CACYBP: variants seen among roughly 807,000 people sequenced by gnomAD.
CACYBP encodes calcyclin binding protein.
In CACYBP, 11 loss-of-function variants were observed where a neutral mutation model predicts 29.6. That is an observed-to-expected ratio of 0.37 (90% CI 0.23 to 0.61). The LOEUF (loss-of-function observed/expected upper bound fraction) is 0.61. Ranked by LOEUF, CACYBP falls within the 20% of genes least tolerant of loss-of-function variation. The probability of loss-of-function intolerance (pLI) is 0.65; values close to 1 mark genes in which losing one functional copy is unlikely to be tolerated. For missense variants in CACYBP, 163 were observed against 260.7 expected (o/e 0.63, Z 2.58); for synonymous variants, 73 against 88.3 (o/e 0.83, Z 0.97).
chr1:175,000,029 C>G lies in CACYBP; in HGVS notation c.-152C>G, dbSNP rs931787746. The stretch of plus-strand genomic sequence containing the variant: ...GATCCGTCGCGTGCGGGAGGCGGGC[C>G]GCGATCTTGCGCAGGGTCGGTGTGG... On this transcript the variant is annotated 5_prime_UTR_variant, in exon 1 of 6. Coordinates refer to ENST00000367679, the MANE Select transcript of CACYBP (RefSeq NM_014412.3). 2 of 1,123,670 alleles carry G rather than the reference C, an allele frequency of 1.8e-6. No homozygotes were observed. Among genetic ancestry groups the G allele is most frequent in the Non-Finnish European group, 2.6e-6 (2 of 772,934 alleles). The allele number at this position is 1,123,670 out of a possible 1,614,324, so 69.6% of individuals were successfully genotyped here.
In CACYBP at chr1:175,011,639, A is replaced by C. The variant is rs1181195066; in HGVS notation, c.*1560A>C. 6.6e-6 allele frequency: 1 copy of C among 152,246 alleles called. No individual in the cohort carries two copies. Among genetic ancestry groups the C allele is most frequent in the African/African-American group, 2.4e-5 (1 of 41,470 alleles). The allele number at this position is 152,246 out of a possible 1,614,324, so 9.4% of individuals were successfully genotyped here. A position where few individuals can be genotyped will look rare whatever the true frequency, so the allele number is the denominator to read the frequency against. On this transcript the variant is annotated 3_prime_UTR_variant, in exon 6 of 6. Coordinates refer to ENST00000367679, the MANE Select transcript of CACYBP (RefSeq NM_014412.3). Reference sequence around the variant, plus strand: ...TTAAGAATACTTCATACAAAAAGAAATGTAAATGACCTTTAACATGTAAAG... The same window carrying C: ...TTAAGAATACTTCATACAAAAAGAACTGTAAATGACCTTTAACATGTAAAG...
chr1:175,011,378 A>G lies in CACYBP; in HGVS notation c.*1299A>G, dbSNP rs993732299. On this transcript the variant is annotated 3_prime_UTR_variant, in exon 6 of 6. Coordinates refer to ENST00000367679, the MANE Select transcript of CACYBP (RefSeq NM_014412.3). ...GTAAAGATGGGTTTTTAATGATACT[A>G]AGATAACTGAAAATAGGCATATAGA... The G allele has an allele frequency of 1.3e-5, 2 of 151,952 alleles. No individual in the cohort carries two copies. The highest frequency in any genetic ancestry group is 2.9e-5 in the Non-Finnish European group (2 of 67,986). The allele number at this position is 151,952 out of a possible 1,614,324, so 9.4% of individuals were successfully genotyped here.
intron 1 of CACYBP, among the ~76,000 whole-genome samples, chr1:175,003,546 C>A (rs1241757630): frequency 6.6e-6 from 1 of 152,166 alleles, no homozygotes. Flanking sequence ...TTTTATAAGA[C>A]TATTAAGAAA....
At position 175,000,051 on chromosome 1, in the gene CACYBP, G is replaced by T; in HGVS notation, c.-130G>T. Reference sequence around the variant, plus strand: ...GGCCGCGATCTTGCGCAGGGTCGGTGTGGGCGCAGGCTGCAGCGCCGCGAC... The same window carrying T: ...GGCCGCGATCTTGCGCAGGGTCGGTTTGGGCGCAGGCTGCAGCGCCGCGAC... On this transcript the variant is annotated 5_prime_UTR_variant, in exon 1 of 6. Coordinates refer to ENST00000367679, the MANE Select transcript of CACYBP (RefSeq NM_014412.3). 3.0e-6 allele frequency: 4 copies of T among 1,327,396 alleles called. No homozygotes were observed. Among genetic ancestry groups the T allele is most frequent in the Non-Finnish European group, 3.2e-6 (3 of 947,684 alleles). 82.2% of individuals were successfully genotyped at this position (1,327,396 alleles called of 1,614,324 possible).
chr1:174,999,567 T>G (rs1324385566), upstream of CACYBP: 2 of 159,824 alleles, frequency 1.3e-5, no homozygotes, highest in Non-Finnish European at 2.7e-5. Flanking sequence ...ATTTTTCGCC[T>G]TCTTCTCGCG....
chr1:175,004,592 C>T (rs201966919), intron 1 of CACYBP, 22 bp from the exon 2 acceptor site: 7 of 1,473,324 alleles, frequency 4.8e-6, no homozygotes, highest in Non-Finnish European at 6.5e-6. Flanking sequence ...TCATAGCTAA[C>T]TTATTTTTTG....
At position 175,010,209 on chromosome 1, in the gene CACYBP, T is replaced by C. The variant is rs1267297956; in HGVS notation, c.*130T>C. 1.5e-6 allele frequency: 1 copy of C among 677,782 alleles called. No individual in the cohort carries two copies. The highest frequency in any genetic ancestry group is 2.5e-6 in the Non-Finnish European group (1 of 401,262). The allele number at this position is 677,782 out of a possible 1,614,324, so 42.0% of individuals were successfully genotyped here. A position where few individuals can be genotyped will look rare whatever the true frequency, so the allele number is the denominator to read the frequency against. On this transcript the variant is annotated 3_prime_UTR_variant, in exon 6 of 6. Coordinates refer to ENST00000367679, the MANE Select transcript of CACYBP (RefSeq NM_014412.3). ...TACATAGCCTTCTAAGTAAAGGCAA[T>C]GAATTCTCCATTTCCTACTGGAGGA...
At position 175,010,426 on chromosome 1, in the gene CACYBP, T is replaced by TTTAAG; in HGVS notation, c.*351_*355dup. The TTTAAG allele has an allele frequency of 6.2e-6, 1 of 160,666 alleles. No individual in the cohort carries two copies. Among genetic ancestry groups the TTTAAG allele is most frequent in the Non-Finnish European group, 1.4e-5 (1 of 73,686 alleles). 10.0% of individuals were successfully genotyped at this position (160,666 alleles called of 1,614,324 possible). On this transcript the variant is annotated 3_prime_UTR_variant, in exon 6 of 6. Transcript: ENST00000367679. Reference sequence around the variant, plus strand: ...GAATTGGAAAAGTATTTGCTTGCCTTTTAAGTTACTGACATCAGCTTCCAC... The same window carrying TTTAAG: ...GAATTGGAAAAGTATTTGCTTGCCTTTTAAGTTAAGTTACTGACATCAGCTTCCAC...
intron 2 of CACYBP, among the ~76,000 whole-genome samples, chr1:175,006,063 G>A (rs1206991317): frequency 6.6e-6 from 1 of 152,140 alleles, no homozygotes; most frequent in Non-Finnish European, 1.5e-5. Context: ...ATAAACAGAA[G>A]ATGCTTTTTT....
At position 175,011,907 on chromosome 1, in the gene CACYBP, C is replaced by G. The variant is rs111600067; in HGVS notation, c.*1828C>G. The stretch of plus-strand genomic sequence containing the variant: ...TCACTTGAGGTCAGGAGTTCAAGAC[C>G]ATCTGGCCAACATGGTGAAACCCTG... On this transcript the variant is annotated 3_prime_UTR_variant, in exon 6 of 6. Coordinates refer to ENST00000367679, the MANE Select transcript of CACYBP (RefSeq NM_014412.3). Among the ~76,000 whole-genome samples the G allele has an allele frequency of 7.2e-4, 110 of 152,268 alleles. 1 individual carries two copies. Among genetic ancestry groups the G allele is most frequent in the African/African-American group, 2.5e-3 (105 of 41,554 alleles).
At position 175,004,749 on chromosome 1, in the gene CACYBP, A is replaced by G. The variant is rs768709873; in HGVS notation, c.151A>G (p.Lys51Glu). Residue 51 changes from lysine to glutamate, a missense_variant, in exon 2 of 6, where the codon AAA (lysine) becomes GAA (glutamate). Transcript: ENST00000367679. ...CAAGATGCAACAGAAATCACAGAAG[A>G]AAGCAGAACTTCTTGATAATGAAAA... is the stretch of plus-strand genomic sequence containing the variant. ...KNKMQQKSQK[K>E]AELLDNEKPA... 6.2e-7 allele frequency: 1 copy of G among 1,614,002 alleles called. No individual in the cohort carries two copies. The highest frequency in any genetic ancestry group is 1.1e-5 in the South Asian group (1 of 91,076).
intron 1 of CACYBP, among the ~76,000 whole-genome samples, chr1:175,003,841 T>C (rs1015441152): frequency 2.0e-5 from 3 of 151,774 alleles, no homozygotes; most frequent in African/African-American, 7.3e-5. Context: ...GTTGCCTCTA[T>C]CTCTAGAAAG....
Position 175,004,597 on chromosome 1 carries a change from T to G in CACYBP, c.16-17T>G, listed in dbSNP as rs1396912532. 12 of 1,515,356 alleles carry G rather than the reference T, an allele frequency of 7.9e-6. No homozygotes were observed. Among genetic ancestry groups the G allele is most frequent in the Non-Finnish European group, 1.1e-5 (12 of 1,120,404 alleles). 93.9% of individuals were successfully genotyped at this position (1,515,356 alleles called of 1,614,324 possible). A position where few individuals can be genotyped will look rare whatever the true frequency, so the allele number is the denominator to read the frequency against. On this transcript the variant is annotated splice_polypyrimidine_tract_variant and intron_variant, in intron 1 of 5. Transcript: ENST00000367679. Reference sequence around the variant, plus strand: ...TCCTTATTTATCATAGCTAACTTATTTTTTGTCTTAACACAGCTACAGAAA... The same window carrying G: ...TCCTTATTTATCATAGCTAACTTATGTTTTGTCTTAACACAGCTACAGAAA...
At chr1:175,009,745 G>C (rs974657249) in intron 5 of CACYBP, among the ~76,000 whole-genome samples, 178 bp from the exon 6 acceptor site, 2 of 151,310 alleles carry the variant, frequency 1.3e-5, no homozygotes, top group African/African-American at 2.4e-5. Context: ...GTGCATGCTT[G>C]ATACGTGTGT....
chr1:175,006,964 T>C, intron 3 of CACYBP, 123 bp downstream of exon 3: 1 of 831,510 alleles, frequency 1.2e-6, no homozygotes, highest in Non-Finnish European at 2.0e-6. Flanking sequence ...TTACAACTAC[T>C]TTGAAGAGGT....
intron 4 of CACYBP, among the ~76,000 whole-genome samples, chr1:175,008,333 C>A (rs1283677281): frequency 6.6e-6 from 1 of 152,088 alleles, no homozygotes; most frequent in Non-Finnish European, 1.5e-5. Flanking sequence ...CTCAGAGAGG[C>A]CTTCCTAATG....
intron 1 of CACYBP, among the ~76,000 whole-genome samples, chr1:175,001,998 G>A (rs1355735800): frequency 6.6e-6 from 1 of 152,140 alleles, no homozygotes; most frequent in Non-Finnish European, 1.5e-5. Flanking sequence ...CGCCCGCCTC[G>A]GCCTCTGAAA....
chr1:175,008,738 T>G (rs1175567988), intron 5 of CACYBP, 32 bp downstream of exon 5: 1 of 999,488 alleles, frequency 1.0e-6, no homozygotes, highest in African/African-American at 1.6e-5. Flanking sequence ...TAAAGAATTT[T>G]AGTGTATTGT....
At chr1:175,008,191 T>C (rs895074906) in intron 4 of CACYBP, among the ~76,000 whole-genome samples, 4 of 152,126 alleles carry the variant, frequency 2.6e-5, no homozygotes, top group African/African-American at 9.7e-5. Flanking sequence ...ATTATATTAC[T>C]GTCTTTTTCA....
Sources: gnomAD v4.1 joint callset for allele counts (sites outside exome capture counted in the v4.1 genomes callset) on GRCh38, gnomAD v4.1.1 for gene constraint, MANE v1.5 for transcripts, NCBI Gene and HGNC (gene_info 2026-07-23, HGNC 2026-07-21) for gene names.